Variants in PIGX observed in about 807,000 individuals in gnomAD.
PIGX encodes the protein GPI alpha-1,4-mannosyltransferase I, stabilizing subunit.
Under a neutral mutation model 28.7 loss-of-function variants are expected in PIGX, and 24 were observed. That is an observed-to-expected ratio of 0.84 (90% CI 0.60 to 1.17). The LOEUF (loss-of-function observed/expected upper bound fraction) is 1.17, where lower values mean the gene tolerates loss of function less well. Ranked by LOEUF, PIGX falls within the 50% of genes most tolerant of loss-of-function variation. PIGX has a pLI of 0.00. For missense variants in PIGX, 305 were observed against 317.8 expected (o/e 0.96, Z 0.31); for synonymous variants, 127 against 121.0 (o/e 1.05, Z -0.33).
intron 5 of PIGX, 34 bp downstream of exon 5, chr3:196,731,126 T>C (rs777701239): frequency 8.5e-7 from 1 of 1,179,210 alleles, no homozygotes; most frequent in Non-Finnish European, 1.3e-6. Flanking sequence ...TTTTAGATCA[T>C]GTGCCTCATT....
chr3:196,732,281 TTA>T (rs1316388438), intron 5 of PIGX, among the ~76,000 whole-genome samples: 4 of 90,870 alleles, frequency 4.4e-5, no homozygotes, highest in African/African-American at 9.8e-5. Flanking sequence ...ATTTTTTTTT[TTA>T]TTTTATTTTT....
chr3:196,728,451 G>A (rs1712613608), intron 4 of PIGX: 2 of 590,766 alleles, frequency 3.4e-6, no homozygotes, highest in Admixed American at 3.1e-5. Flanking sequence ...ACTTCCTTAT[G>A]TTTCTTTATA....
Position 196,733,204 on chromosome 3 carries a change from T to C in PIGX, c.634-555T>C, listed in dbSNP as rs181188914. Among the ~76,000 whole-genome samples the C allele has an allele frequency of 1.5e-4, 23 of 152,260 alleles. No individual in the cohort carries two copies. Among genetic ancestry groups the C allele is most frequent in the African/African-American group, 5.5e-4 (23 of 41,560 alleles). On this transcript the variant is annotated intron_variant, in intron 5 of 5. Transcript: ENST00000392391. The surrounding 1 kb of genome is among the most constrained non-coding windows in gnomAD (Gnocchi z 4.3). ...AGCAGAAAAATCAGAACTAATGAGA[T>C]TTAACAAATTATTGTGGGAATTGAG...
chr3:196,728,213 T>A (rs1712603657), intron 4 of PIGX, 77 bp downstream of exon 4: 1 of 1,213,080 alleles, frequency 8.2e-7, no homozygotes, highest in Non-Finnish European at 1.2e-6. Context: ...TCTGCTAGGC[T>A]GGCTGGCAAG....
chr3:196,732,765 A>T (rs1370432697), intron 5 of PIGX, among the ~76,000 whole-genome samples: 1 of 152,198 alleles, frequency 6.6e-6, no homozygotes, highest in African/African-American at 2.4e-5. Context: ...TCAGGTATTT[A>T]CAAAAAGAAA....
intron 3 of PIGX, among the ~76,000 whole-genome samples, chr3:196,726,264 C>T (rs1712517234): frequency 6.6e-6 from 1 of 152,044 alleles, no homozygotes; most frequent in Non-Finnish European, 1.5e-5. Context: ...GCACTCCAGC[C>T]AGGGTGACAG....
intron 4 of PIGX, among the ~76,000 whole-genome samples, chr3:196,729,456 G>A (rs1712658766): frequency 6.6e-6 from 1 of 151,280 alleles, no homozygotes. Flanking sequence ...GCCCAGGCTG[G>A]AGTGCAGTGG....
chr3:196,718,895 T>G (rs1712202792), intron 2 of PIGX, among the ~76,000 whole-genome samples: 1 of 152,230 alleles, frequency 6.6e-6, no homozygotes, highest in Non-Finnish European at 1.5e-5. Flanking sequence ...ATGAATTGGA[T>G]GAATTGACCC....
intron 4 of PIGX, among the ~76,000 whole-genome samples, chr3:196,729,645 CCAAAGTG>C (rs1712668046): frequency 1.3e-5 from 2 of 151,452 alleles, no homozygotes; most frequent in Non-Finnish European, 2.9e-5. Flanking sequence ...CCTCGGCCTC[CCAAAGTG>C]CTGGGATTAC....
rs1308089550 is a variant in PIGX, at chr3:196,712,412, GC to G, written c.-120del. On this transcript the variant is annotated 5_prime_UTR_variant, in exon 1 of 6. Coordinates refer to ENST00000392391, the MANE Select transcript of PIGX (RefSeq NM_017861.4). ...CGCGGGCGCTAGGCGCGCGCACCCA[GC>G]ACTCGGTCCCAGCCGATAAATCTGG... 1 of 389,062 alleles carries G rather than the reference GC, an allele frequency of 2.6e-6. No individual in the cohort carries two copies. Among genetic ancestry groups the G allele is most frequent in the African/African-American group, 2.1e-5 (1 of 46,630 alleles). The allele number at this position is 389,062 out of a possible 1,614,324, so 24.1% of individuals were successfully genotyped here. A position where few individuals can be genotyped will look rare whatever the true frequency, so the allele number is the denominator to read the frequency against.
intron 1 of PIGX, chr3:196,713,078 G>T (rs1334705665): frequency 6.1e-6 from 6 of 985,688 alleles, no homozygotes; most frequent in Non-Finnish European, 7.2e-6. Context: ...TTGGCAAACT[G>T]CTTGTACTAC....
At chr3:196,724,600 T>A (rs887932880) in intron 3 of PIGX, among the ~76,000 whole-genome samples, 1 of 152,212 alleles carries the variant, frequency 6.6e-6, no homozygotes, top group Admixed American at 6.5e-5. Flanking sequence ...ATAGATTGAT[T>A]AACAAGTTTA....
rs546135689 is a variant in PIGX, at chr3:196,732,034, C to G, written c.633+942C>G. On this transcript the variant is annotated intron_variant, in intron 5 of 5. Coordinates refer to ENST00000392391, the MANE Select transcript of PIGX (RefSeq NM_017861.4). Reference sequence around the variant, plus strand: ...AGAGACGGGGTTTCACCTTGTTGGTCAGGCTGGTCTCAAACTCCTGACTTC... The same window carrying G: ...AGAGACGGGGTTTCACCTTGTTGGTGAGGCTGGTCTCAAACTCCTGACTTC... 1.9e-4 allele frequency among the ~76,000 whole-genome samples: 28 copies of G among 149,906 alleles called. No individual in the cohort carries two copies. The East Asian group carries it at 5.6e-3, about 30-fold the overall frequency.
intron 1 of PIGX, 54 bp from the exon 2 acceptor site, chr3:196,716,804 T>G: frequency 1.2e-6 from 1 of 831,872 alleles, no homozygotes; most frequent in Non-Finnish European, 1.8e-6. Context: ...ATTATTTAAA[T>G]ATTATTTTAT....
At chr3:196,722,363 C>T (rs936535102) in intron 2 of PIGX, 52 bp from the exon 3 acceptor site, 4 of 1,343,124 alleles carry the variant, frequency 3.0e-6, no homozygotes, top group Non-Finnish European at 4.2e-6. Flanking sequence ...GTTATGTTAT[C>T]TCATTTAACA....
chr3:196,732,454 G>A (rs1416988214), intron 5 of PIGX, among the ~76,000 whole-genome samples: 1 of 149,764 alleles, frequency 6.7e-6, no homozygotes, highest in East Asian at 2.0e-4. Flanking sequence ...GATAATTTTT[G>A]TATTTTTAGT....
intron 4 of PIGX, 29 bp from the exon 5 acceptor site, chr3:196,730,963 C>G (rs1712727313): frequency 7.3e-7 from 1 of 1,372,252 alleles, no homozygotes; most frequent in Admixed American, 1.7e-5. Context: ...TACAGGTTTT[C>G]TGACATCATT....
At position 196,726,233 on chromosome 3, in the gene PIGX, G is replaced by T. The variant is rs140656804; in HGVS notation, c.319-1690G>T. ...TTGAGCCTAGATGGTTGAGACTTCA[G>T]TGAGCCATGATCATGCCACTGCACT... On this transcript the variant is annotated intron_variant, in intron 3 of 5. Transcript: ENST00000392391. 8.3e-3 allele frequency among the ~76,000 whole-genome samples: 1,265 copies of T among 152,302 alleles called. 22 individuals carry two copies. Among genetic ancestry groups the T allele is most frequent in the African/African-American group, 0.028 (1,175 of 41,558 alleles).
intron 3 of PIGX, chr3:196,726,830 C>T (rs969708933): frequency 7.9e-5 from 23 of 291,566 alleles, no homozygotes; most frequent in African/African-American, 4.7e-4. Flanking sequence ...GTAGATAGAT[C>T]GAGATGACTT....
Sources: gnomAD v4.1 joint callset for allele counts (sites outside exome capture counted in the v4.1 genomes callset) on GRCh38, gnomAD v4.1.1 for gene constraint, Gnocchi (gnomAD v3.1) non-coding constraint, MANE v1.5 for transcripts, NCBI Gene and HGNC (gene_info 2026-07-23, HGNC 2026-07-21) for gene names.